The following UNC50 variants were observed in gnomAD, a reference collection of about 807,000 sequenced individuals.
The protein encoded by UNC50 is protein unc-50 homolog.
Under a neutral mutation model 31.5 loss-of-function variants are expected in UNC50, and 24 were observed. The observed-to-expected ratio is 0.76, with a 90% CI of 0.55 to 1.07. The LOEUF is 1.07. Among genes scored for constraint, UNC50 ranks in the 50% least tolerant of loss-of-function variants. The pLI, the probability that UNC50 is intolerant of heterozygous loss-of-function variation, is 0.00. For synonymous variants in UNC50, 118 were observed against 114.7 expected (o/e 1.03, Z -0.18); for missense variants, 245 against 304.2 (o/e 0.81, Z 1.45).
At chr2:98,611,036 A>C in intron 3 of UNC50, 141 bp downstream of exon 3, 1 of 1,042,350 alleles carries the variant, frequency 9.6e-7, no homozygotes, top group Non-Finnish European at 1.3e-6. Flanking sequence ...GATTATTACA[A>C]TTTTCCCTCC....
intron 5 of UNC50, among the ~76,000 whole-genome samples, chr2:98,617,575 A>ATACT (rs1166900537): frequency 6.6e-6 from 1 of 152,178 alleles, no homozygotes; most frequent in Admixed American, 6.5e-5. Context: ...TATATGAGAA[A>ATACT]TACTTAGGTC....
At chr2:98,617,662 T>TAA (rs1055759032) in intron 5 of UNC50, among the ~76,000 whole-genome samples, 4 of 152,172 alleles carry the variant, frequency 2.6e-5, no homozygotes, top group African/African-American at 9.7e-5. Flanking sequence ...CTTTTATATT[T>TAA]AAGAGTTTCA....
intron 5 of UNC50, 23 bp from the exon 6 acceptor site, chr2:98,618,145 G>A (rs1164597159): frequency 3.5e-6 from 5 of 1,440,436 alleles, no homozygotes; most frequent in African/African-American, 1.5e-5. Flanking sequence ...TTTTAAATCA[G>A]TTTGGATTCC....
rs760479954 is a variant in UNC50, at chr2:98,616,434, G to A, written c.544G>A (p.Val182Ile). 2.9e-5 allele frequency: 47 copies of A among 1,613,978 alleles called. 1 individual carries two copies. In the Admixed American group the frequency reaches 7.8e-4, roughly 27 times the overall value. Residue 182 changes from valine to isoleucine, a missense_variant and splice_region_variant, in exon 5 of 6, where the codon GTT becomes ATT. By Grantham distance (29) the Val-to-Ile change is conservative. Transcript: ENST00000357765. ...ATGGTCTGCGTCTCTTCTGGCAGAT[G>A]TTATCCTGACAGACACATTTATTGG... ...HFIQLFFINHVILTDTFIGYL... is the reference protein window; with the variant it reads ...HFIQLFFINHIILTDTFIGYL...
Position 98,610,780 on chromosome 2 carries a change from A to G in UNC50, c.286A>G (p.Thr96Ala). 6.2e-7 allele frequency: 1 copy of G among 1,613,964 alleles called. No homozygotes were observed. Among genetic ancestry groups the G allele is most frequent in the Non-Finnish European group, 8.5e-7 (1 of 1,179,942 alleles). Residue 96 changes from threonine to alanine, a missense_variant, in exon 3 of 6, where the codon ACT (threonine) becomes GCT (alanine). Transcript: ENST00000357765. ...VLLSIWLCVS[T>A]IGFGFVLDMG... ...CTTGTGAATCTTTCTTTCAGTGTCC[A>G]CTATAGGATTTGGCTTTGTGCTGGA...
intron 3 of UNC50, among the ~76,000 whole-genome samples, chr2:98,613,591 C>T (rs1700873871): frequency 6.6e-6 from 1 of 152,082 alleles, no homozygotes; most frequent in Non-Finnish European, 1.5e-5. Flanking sequence ...CTGACTATCA[C>T]GAGAACAGCA....
chr2:98,615,641 G>T (rs1247790222), intron 3 of UNC50, among the ~76,000 whole-genome samples: 1 of 152,156 alleles, frequency 6.6e-6, no homozygotes, highest in African/African-American at 2.4e-5. Flanking sequence ...ACTGGTCTCT[G>T]CTGCCAGTCT....
chr2:98,613,618 C>T (rs1331266053), intron 3 of UNC50, among the ~76,000 whole-genome samples: 1 of 152,190 alleles, frequency 6.6e-6, no homozygotes, highest in Non-Finnish European at 1.5e-5. Flanking sequence ...AAATTACGTC[C>T]ATCTGGCCCC....
rs867837950 is a variant in UNC50 at position 98,618,276 on chromosome 2, G to C, written c.752G>C (p.Cys251Ser). Reference protein sequence around the residue: ...ALGWNFTHTLCSFYKYRVK With the variant: ...ALGWNFTHTLSSFYKYRVK ...GGATGGAACTTCACCCATACTCTCT[G>C]TTCTTTCTATAAGTACAGAGTGAAA... The change falls in exon 6 of 6, where the codon TGT (cysteine) becomes TCT (serine). Residue 251 changes from cysteine to serine, a missense_variant. Transcript: ENST00000357765. 1.2e-6 allele frequency: 2 copies of C among 1,607,170 alleles called. No individual in the cohort carries two copies. The highest frequency in any genetic ancestry group is 2.2e-5 in the South Asian group (2 of 89,648).
chr2:98,611,663 C>T (rs1212139865), intron 3 of UNC50, among the ~76,000 whole-genome samples: 1 of 152,018 alleles, frequency 6.6e-6, no homozygotes, highest in African/African-American at 2.4e-5. Flanking sequence ...TTTTGGGGTC[C>T]CGAGATTTAT....
chr2:98,611,066 G>C (rs1700820403), intron 3 of UNC50, among the ~76,000 whole-genome samples, 171 bp downstream of exon 3: 1 of 152,182 alleles, frequency 6.6e-6, no homozygotes, highest in Admixed American at 6.5e-5. Context: ...ACCTATATCA[G>C]AAAATACTAT....
intron 3 of UNC50, among the ~76,000 whole-genome samples, chr2:98,611,738 A>C (rs1211912476): frequency 1.3e-5 from 2 of 152,166 alleles, no homozygotes; most frequent in Non-Finnish European, 2.9e-5. Context: ...GTTCTGCTTA[A>C]GTTGTCTGGA....
intron 2 of UNC50, 106 bp from the exon 3 acceptor site, chr2:98,610,669 G>A: frequency 1.4e-6 from 2 of 1,407,002 alleles, no homozygotes; most frequent in Non-Finnish European, 1.9e-6. Context: ...TTTGTTTAAA[G>A]ACCTGTCTCT....
intron 3 of UNC50, among the ~76,000 whole-genome samples, chr2:98,611,293 TC>T (rs1700824358): frequency 6.6e-6 from 1 of 152,198 alleles, no homozygotes; most frequent in Non-Finnish European, 1.5e-5. Context: ...GAGACATCAG[TC>T]AATATGTGTA....
At chr2:98,618,077 A>G (rs373029717) in intron 5 of UNC50, 91 bp from the exon 6 acceptor site, 1 of 1,307,670 alleles carries the variant, frequency 7.6e-7, no homozygotes. Flanking sequence ...TCCACCCCAC[A>G]TGTTGAAGTA....
chr2:98,615,552 G>C (rs1700906192), intron 3 of UNC50, among the ~76,000 whole-genome samples: 2 of 152,118 alleles, frequency 1.3e-5, no homozygotes, highest in Non-Finnish European at 2.9e-5. Flanking sequence ...TCTACCTTCA[G>C]AGTATCGTGT....
chr2:98,611,734 C>T (rs1700832221), intron 3 of UNC50, among the ~76,000 whole-genome samples: 1 of 152,128 alleles, frequency 6.6e-6, no homozygotes, highest in African/African-American at 2.4e-5. Context: ...GCCAGTTCTG[C>T]TTAAGTTGTC....
At chr2:98,612,822 A>G (rs1315614954) in intron 3 of UNC50, among the ~76,000 whole-genome samples, 1 of 152,366 alleles carries the variant, frequency 6.6e-6, no homozygotes, top group East Asian at 1.9e-4. Context: ...CCCAGTGCAT[A>G]TTAAAATCAT....
In UNC50 at chr2:98,616,240, G is replaced by C. The variant is rs1186457282; in HGVS notation, c.435G>C (p.Gln145His). ...CTAACAAGTATTTAGTGAAACGACA[G>C]AGCAGAGACTATGATGTGGAATGGG... The part of the protein sequence containing the change: ...FISNKYLVKR[Q>H]SRDYDVEWGY... Residue 145 changes from glutamine to histidine, a missense_variant, in exon 4 of 6, where the codon CAG becomes CAC. Gln to His is a conservative substitution (Grantham distance 24, BLOSUM62 0). Transcript: ENST00000357765. 2.5e-6 allele frequency: 4 copies of C among 1,613,976 alleles called. No individual in the cohort carries two copies. Among genetic ancestry groups the C allele is most frequent in the Non-Finnish European group, 3.4e-6 (4 of 1,179,982 alleles).
Sources: allele counts gnomAD v4.1 joint callset (sites outside exome capture counted in the v4.1 genomes callset), GRCh38; gene constraint gnomAD v4.1.1; transcripts MANE v1.5; gene names NCBI Gene and HGNC (gene_info 2026-07-23, HGNC 2026-07-21).